NACC2: variants seen among roughly 807,000 people sequenced by gnomAD.
NACC2 encodes the protein nucleus accumbens-associated protein 2.
NACC2 carries 8 observed loss-of-function variants against 25.1 expected under a neutral mutation model. The observed-to-expected ratio is 0.32, with a 90% CI of 0.19 to 0.57. The LOEUF is 0.57. Ranked by LOEUF, NACC2 falls within the 20% of genes least tolerant of loss-of-function variation. The pLI is 0.89. For synonymous variants in NACC2, 435 were observed against 294.7 expected (o/e 1.48, Z -4.88); for missense variants, 644 against 650.2 (o/e 0.99, Z 0.10).
At chr9:136,089,551 A>C (rs1266519497) in intron 1 of NACC2, among the ~76,000 whole-genome samples, 2 of 151,764 alleles carry the variant, frequency 1.3e-5, no homozygotes. Context: ...CTCCCCAAGA[A>C]GGTGAACCCA....
At chr9:136,025,425 C>A (rs1159934400) in intron 2 of NACC2, among the ~76,000 whole-genome samples, 1 of 152,006 alleles carries the variant, frequency 6.6e-6, no homozygotes, top group Admixed American at 6.6e-5. Flanking sequence ...GACCCATAGA[C>A]CAAATGATAA....
At chr9:136,029,711 CTGGTACAGCTG>C (rs71384044) in intron 2 of NACC2, among the ~76,000 whole-genome samples, 41,315 of 152,028 alleles carry the variant, frequency 0.27, 6,102 homozygotes, top group East Asian at 0.35. Flanking sequence ...TGAGGTATGC[CTGGTACAGCTG>C]CAGCCCTGCA....
rs1745547022 is a variant in NACC2 at position 136,022,803 on chromosome 9, A to G, written c.887-6374T>C. Among the ~76,000 whole-genome samples the G allele has an allele frequency of 6.6e-6, 1 of 151,826 alleles. No individual in the cohort carries two copies. Among genetic ancestry groups the G allele is most frequent in the Admixed American group, 6.6e-5 (1 of 15,236 alleles). On this transcript the variant is annotated intron_variant, in intron 2 of 5. Coordinates refer to ENST00000277554, the MANE Select transcript of NACC2 (RefSeq NM_144653.5). The surrounding 1 kb of genome is among the most constrained non-coding windows in gnomAD (Gnocchi z 4.4). ...TGGGAGCACAGAGGCCACAATTATA[A>G]GGCATGCCATTCTCTCATGTGCCAC... is the stretch of plus-strand genomic sequence containing the variant.
intron 1 of NACC2, among the ~76,000 whole-genome samples, chr9:136,094,412 C>T (rs538660998): frequency 6.6e-6 from 1 of 152,330 alleles, no homozygotes; most frequent in Non-Finnish European, 1.5e-5. Flanking sequence ...TCCGACCCCA[C>T]ACGATCCCAG....
chr9:136,022,722 G>C lies in NACC2; in HGVS notation c.887-6293C>G, dbSNP rs1840310095. Among the ~76,000 whole-genome samples, 1 of 152,094 alleles carries C rather than the reference G, an allele frequency of 6.6e-6. No individual in the cohort carries two copies. Among genetic ancestry groups the C allele is most frequent in the Admixed American group, 6.5e-5 (1 of 15,282 alleles). On this transcript the variant is annotated intron_variant, in intron 2 of 5. Transcript: ENST00000277554. This position sits in a 1 kb window ranked among gnomAD's most constrained non-coding sequence, Gnocchi z 4.4. ...CCATCAACTACCAGTGCTGGCTGGG[G>C]CAGTGCCTCTGTCATCCTCCAGAAA...
intron 1 of NACC2, among the ~76,000 whole-genome samples, chr9:136,053,300 G>A (rs1840875583): frequency 6.6e-6 from 1 of 152,224 alleles, no homozygotes; most frequent in African/African-American, 2.4e-5. Flanking sequence ...ATGGGGACGG[G>A]AAGAGATCCA....
intron 2 of NACC2, among the ~76,000 whole-genome samples, chr9:136,026,643 T>TAAAATGACA (rs1840396239): frequency 6.6e-6 from 1 of 152,174 alleles, no homozygotes. Context: ...CACAATGATG[T>TAAAATGACA]AAAATGACAA....
At chr9:136,058,827 T>C (rs1025761734) in intron 1 of NACC2, among the ~76,000 whole-genome samples, 5 of 152,312 alleles carry the variant, frequency 3.3e-5, no homozygotes, top group African/African-American at 1.2e-4. Flanking sequence ...CGCTGGGGCA[T>C]GGGATTGGAC....
At position 136,078,019 on chromosome 9, in the gene NACC2, G is replaced by A. The variant is rs189125609; in HGVS notation, c.-60+17170C>T. Among the ~76,000 whole-genome samples, 838 of 152,250 alleles carry A rather than the reference G, an allele frequency of 5.5e-3. 11 individuals are homozygous for A. Among genetic ancestry groups the A allele is most frequent in the African/African-American group, 0.019 (798 of 41,548 alleles). ...AAACTCCTGACCTCGTGATCCACCC[G>A]CCTCGGCCTCCCAAAGTGCTGGGAT... On this transcript the variant is annotated intron_variant, in intron 1 of 5. Coordinates refer to ENST00000277554, the MANE Select transcript of NACC2 (RefSeq NM_144653.5).
intron 2 of NACC2, among the ~76,000 whole-genome samples, chr9:136,047,492 C>A (rs1840748425): frequency 6.6e-6 from 1 of 152,124 alleles, no homozygotes; most frequent in African/African-American, 2.4e-5. Context: ...CCTGGCCTCC[C>A]AGCCGCCCAC....
intron 1 of NACC2, among the ~76,000 whole-genome samples, chr9:136,076,952 G>C (rs1830269119): frequency 6.6e-6 from 1 of 151,926 alleles, no homozygotes; most frequent in Non-Finnish European, 1.5e-5. Flanking sequence ...CCTGCAGTGA[G>C]CCGAGATCGC....
chr9:136,045,577 G>A (rs984734272), intron 2 of NACC2, among the ~76,000 whole-genome samples: 1 of 152,214 alleles, frequency 6.6e-6, no homozygotes, highest in African/African-American at 2.4e-5. Context: ...GGGGGTGTGG[G>A]CGCAGGTCCG....
Position 136,013,290 on chromosome 9 carries a change from C to T in NACC2, c.1164G>A (p.Thr388=), listed in dbSNP as rs2280486. The T allele has an allele frequency of 0.43, 696,833 of 1,610,494 alleles. 152,237 individuals are homozygous for T. Among genetic ancestry groups the T allele is most frequent in the African/African-American group, 0.53 (39,632 of 74,812 alleles). The stretch of plus-strand genomic sequence containing the variant: ...TGCCAGTCCCGCAGCTGTTGGCCAG[C>T]GTGTTCCTGGTGGAGGGACCGGAAA... ...RLLATFFDRN[T]LANSCGTGIR... is the part of the protein sequence containing the mutation. The change falls in exon 5 of 6, where the codon ACG becomes ACA. Residue 388 remains threonine, a synonymous_variant. Transcript: ENST00000277554. This position sits in a 1 kb window ranked among gnomAD's most constrained non-coding sequence, Gnocchi z 6.6.
intron 1 of NACC2, among the ~76,000 whole-genome samples, chr9:136,069,925 AGAGT>A (rs1270292157): frequency 6.6e-6 from 1 of 151,984 alleles, no homozygotes; most frequent in East Asian, 1.9e-4. Context: ...CAGCAGAGAT[AGAGT>A]GAGTTAAATA....
At chr9:136,026,438 A>C (rs561837726) in intron 2 of NACC2, among the ~76,000 whole-genome samples, 1 of 152,184 alleles carries the variant, frequency 6.6e-6, no homozygotes, top group Non-Finnish European at 1.5e-5. Context: ...GGGAAAGCCT[A>C]ACATACATGT....
intron 2 of NACC2, among the ~76,000 whole-genome samples, chr9:136,030,453 C>CA (rs1200993125): frequency 7.9e-5 from 12 of 151,804 alleles, no homozygotes; most frequent in African/African-American, 2.4e-4. Context: ...ACTAAAAATA[C>CA]AAAAAAATTA....
chr9:136,022,958 T>G lies in NACC2; in HGVS notation c.887-6529A>C. On this transcript the variant is annotated intron_variant, in intron 2 of 5. Coordinates refer to ENST00000277554, the MANE Select transcript of NACC2 (RefSeq NM_144653.5). This position sits in a 1 kb window ranked among gnomAD's most constrained non-coding sequence, Gnocchi z 4.4. ...AGCCCGTTTCGTGGATGCTGACACA[T>G]GGGGAAATGCAGAAAAGCCCAGCAG... Among the ~76,000 whole-genome samples the G allele has an allele frequency of 7.2e-6, 1 of 138,196 alleles. No homozygotes were observed. The highest frequency in any genetic ancestry group is 1.5e-5 in the Non-Finnish European group (1 of 65,530). 90.7% of individuals were successfully genotyped at this position (138,196 alleles called of 152,430 possible).
chr9:136,018,583 G>A lies in NACC2; in HGVS notation c.887-2154C>T, dbSNP rs960235904. ...GCACTGCACCTGTCAGTCCCAGGAA[G>A]GGGAGCTTCCCAAGGCCCAGGGACA... is the stretch of plus-strand genomic sequence containing the variant. On this transcript the variant is annotated intron_variant, in intron 2 of 5. Transcript: ENST00000277554. This position sits in a 1 kb window ranked among gnomAD's most constrained non-coding sequence, Gnocchi z 4.4. Among the ~76,000 whole-genome samples the A allele has an allele frequency of 6.6e-6, 1 of 152,036 alleles. No homozygotes were observed. The highest frequency in any genetic ancestry group is 6.5e-5 in the Admixed American group (1 of 15,276).
At chr9:136,041,741 A>G (rs1221869968) in intron 2 of NACC2, among the ~76,000 whole-genome samples, 3 of 152,234 alleles carry the variant, frequency 2.0e-5, no homozygotes, top group African/African-American at 7.2e-5. Flanking sequence ...AAACAGATGA[A>G]CAGTATGGCG....
Sources: allele counts gnomAD v4.1 joint callset (sites outside exome capture counted in the v4.1 genomes callset), GRCh38; gene constraint gnomAD v4.1.1; non-coding constraint Gnocchi (gnomAD v3.1); transcripts MANE v1.5; gene names NCBI Gene and HGNC (gene_info 2026-07-23, HGNC 2026-07-21).